LRPPRC: variants seen among roughly 807,000 people sequenced by gnomAD.
LRPPRC encodes leucine rich pentatricopeptide repeat containing.
A neutral mutation model predicts 180.3 loss-of-function variants in LRPPRC; 120 were observed. The ratio of observed to expected loss-of-function variants is 0.67; its 90% CI spans 0.57 to 0.77. LRPPRC has a LOEUF of 0.77. Ranked by LOEUF, LRPPRC falls within the 30% of genes least tolerant of loss-of-function variation. LRPPRC has a pLI of 0.00. For synonymous variants in LRPPRC, 723 were observed against 600.0 expected (o/e 1.21, Z -3.00); for missense variants, 2,012 against 1,657.2 (o/e 1.21, Z -3.72).
chr2:43,968,463 A>G (rs967798621), intron 11 of LRPPRC, among the ~76,000 whole-genome samples: 7 of 152,246 alleles, frequency 4.6e-5, no homozygotes, highest in African/African-American at 1.7e-4. Context: ...GCAAGATTGC[A>G]GACAACAGAA....
At position 43,918,009 on chromosome 2, in the gene LRPPRC, C is replaced by A. The variant is rs1296530633; in HGVS notation, c.3148+16G>T. The A allele has an allele frequency of 5.8e-6, 9 of 1,560,398 alleles. No individual in the cohort carries two copies. The highest frequency in any genetic ancestry group is 7.9e-6 in the Non-Finnish European group (9 of 1,132,092). ...ACCACCCCCCCACACACACCCCCAT[C>A]CCCGTATGTGCTTGCCTTTTTTTTG... On this transcript the variant is annotated intron_variant, in intron 29 of 37. Coordinates refer to ENST00000260665, the MANE Select transcript of LRPPRC (RefSeq NM_133259.4).
chr2:43,895,557 C>T (rs1670648067), intron 35 of LRPPRC, among the ~76,000 whole-genome samples: 2 of 152,152 alleles, frequency 1.3e-5, no homozygotes, highest in South Asian at 2.1e-4. Flanking sequence ...CGTATAAAAA[C>T]ACAGCCTCTC....
chr2:43,963,453 G>GA (rs951545035), intron 12 of LRPPRC, 135 bp downstream of exon 12: 4 of 705,308 alleles, frequency 5.7e-6, no homozygotes, highest in South Asian at 1.6e-5. Flanking sequence ...TCAAAAAAAA[G>GA]AAAAAAAGAA....
intron 6 of LRPPRC, among the ~76,000 whole-genome samples, 158 bp downstream of exon 6, chr2:43,975,984 AT>A (rs1032091412): frequency 3.7e-4 from 56 of 151,862 alleles, no homozygotes; most frequent in Non-Finnish European, 5.0e-4. Context: ...TATACTACAG[AT>A]TTTTTTTTGA....
At chr2:43,934,463 G>A (rs1373352900) in intron 24 of LRPPRC, among the ~76,000 whole-genome samples, 167 bp from the exon 25 acceptor site, 1 of 151,770 alleles carries the variant, frequency 6.6e-6, no homozygotes, top group Non-Finnish European at 1.5e-5. Flanking sequence ...TAACAGAGTA[G>A]CTACAAAGAG....
intron 14 of LRPPRC, among the ~76,000 whole-genome samples, chr2:43,956,705 C>T (rs1572543990): frequency 6.6e-6 from 1 of 152,090 alleles, no homozygotes; most frequent in African/African-American, 2.4e-5. Flanking sequence ...ACCTGGCCAA[C>T]ATGGTGAAAC....
chr2:43,971,038 T>G (rs1442691154), intron 11 of LRPPRC, among the ~76,000 whole-genome samples: 5 of 151,000 alleles, frequency 3.3e-5, no homozygotes, highest in African/African-American at 7.3e-5. Context: ...AGGCAGAGGT[T>G]GCAGGGAGCC....
chr2:43,976,307 G>A, intron 5 of LRPPRC, 78 bp from the exon 6 acceptor site: 1 of 804,268 alleles, frequency 1.2e-6, no homozygotes, highest in Non-Finnish European at 2.2e-6. Context: ...ATTAGGCCTT[G>A]AGTTACTTTT....
intron 27 of LRPPRC, 29 bp downstream of exon 27, chr2:43,925,038 A>T: frequency 8.1e-7 from 1 of 1,232,842 alleles, no homozygotes; most frequent in African/African-American, 1.5e-5. Context: ...AGAATAAATG[A>T]AAGCGTGAAG....
chr2:43,971,485 TAAAAA>T lies in LRPPRC; in HGVS notation c.1369+2117_1369+2121del, dbSNP rs528659622. 7.4e-4 allele frequency among the ~76,000 whole-genome samples: 46 copies of T among 62,384 alleles called. 2 individuals are homozygous for T. Among genetic ancestry groups the T allele is most frequent in the African/African-American group, 3.0e-3 (38 of 12,614 alleles). The allele number at this position is 62,384 out of a possible 152,430, so 40.9% of individuals were successfully genotyped here. Reference sequence around the variant, plus strand: ...AGGACCTCCTGAGGCTGTGTCACAGTAAAAAAAAAAAAAAAAAAAGAAAAAAATAT... The same window carrying T: ...AGGACCTCCTGAGGCTGTGTCACAGTAAAAAAAAAAAAAAGAAAAAAATAT... On this transcript the variant is annotated intron_variant, in intron 11 of 37. Coordinates refer to ENST00000260665, the MANE Select transcript of LRPPRC (RefSeq NM_133259.4).
rs780653330 is a variant in LRPPRC, at chr2:43,925,155, A to T, written c.2808T>A (p.Val936=). ...GCTCCACTAATTTTTCCAGAGTTTCAACCTTAAAAGTAAGATTAAGAGATA... is the reference window on the plus strand; with the variant it reads ...GCTCCACTAATTTTTCCAGAGTTTCTACCTTAAAAGTAAGATTAAGAGATA... The part of the protein sequence containing the change: ...FCDRCVANNQ[V]ETLEKLVELT... Residue 936 remains valine (V), a splice_region_variant and synonymous_variant, in exon 27 of 38, where the codon GTT becomes GTA. Transcript: ENST00000260665. 6.5e-7 allele frequency: 1 copy of T among 1,535,850 alleles called. No individual in the cohort carries two copies. Among genetic ancestry groups the T allele is most frequent in the South Asian group, 1.1e-5 (1 of 89,364 alleles).
chr2:43,945,294 A>C, intron 22 of LRPPRC, 38 bp downstream of exon 22: 1 of 1,304,724 alleles, frequency 7.7e-7, no homozygotes, highest in Non-Finnish European at 1.1e-6. Context: ...GTGGCAAGAT[A>C]CTTGCATCAC....
At chr2:43,951,918 G>A (rs1672920159) in intron 14 of LRPPRC, among the ~76,000 whole-genome samples, 1 of 152,168 alleles carries the variant, frequency 6.6e-6, no homozygotes, top group Non-Finnish European at 1.5e-5. Context: ...TTAAGGCTGG[G>A]TGTGGTGGCT....
In LRPPRC at chr2:43,912,380, C is replaced by T. The variant is rs2105012990; in HGVS notation, c.3275+52G>A. Reference sequence around the variant, plus strand: ...TACTATTATAATTATTGGCTAATGGCAGCCAATATTCTTTTTTAAACAAGA... The same window carrying T: ...TACTATTATAATTATTGGCTAATGGTAGCCAATATTCTTTTTTAAACAAGA... On this transcript the variant is annotated intron_variant, in intron 30 of 37. Coordinates refer to ENST00000260665, the MANE Select transcript of LRPPRC (RefSeq NM_133259.4). 6 of 1,521,988 alleles carry T rather than the reference C, an allele frequency of 3.9e-6. No individual in the cohort carries two copies. In the South Asian group the frequency reaches 5.6e-5, roughly 14 times the overall value. The allele number at this position is 1,521,988 out of a possible 1,614,324, so 94.3% of individuals were successfully genotyped here.
At position 43,898,654 on chromosome 2, in the gene LRPPRC, G is replaced by T. The variant is rs1242726987; in HGVS notation, c.3825+565C>A. 2.6e-5 allele frequency among the ~76,000 whole-genome samples: 4 copies of T among 152,162 alleles called. No individual in the cohort carries two copies. In the East Asian group the frequency reaches 5.8e-4, roughly 22 times the overall value. On this transcript the variant is annotated intron_variant, in intron 34 of 37. Transcript: ENST00000260665. ...GGTTGCTAATTTAACTGAGAGTGCGGGCCACAGAGACCTGCATTTGTCATT... is the reference window on the plus strand; with the variant it reads ...GGTTGCTAATTTAACTGAGAGTGCGTGCCACAGAGACCTGCATTTGTCATT...
At chr2:43,935,857 A>G (rs757103999) in intron 23 of LRPPRC, among the ~76,000 whole-genome samples, 2 of 152,262 alleles carry the variant, frequency 1.3e-5, no homozygotes, top group Non-Finnish European at 2.9e-5. Flanking sequence ...TCATGCCTGT[A>G]ATCCCAGCAC....
chr2:43,995,555 G>A lies in LRPPRC; in HGVS notation c.149+244C>T, dbSNP rs996095501. Among the ~76,000 whole-genome samples the A allele has an allele frequency of 4.6e-5, 7 of 152,362 alleles. No individual in the cohort carries two copies. The East Asian group carries it at 1.2e-3, about 25-fold the overall frequency. Reference sequence around the variant, plus strand: ...CCCCGAGGGCAGTAAGGTCCAGGCTGAAGTGGCGGGGGCAGGATTCAAGCC... The same window carrying A: ...CCCCGAGGGCAGTAAGGTCCAGGCTAAAGTGGCGGGGGCAGGATTCAAGCC... On this transcript the variant is annotated intron_variant, in intron 1 of 37. Coordinates refer to ENST00000260665, the MANE Select transcript of LRPPRC (RefSeq NM_133259.4).
intron 14 of LRPPRC, among the ~76,000 whole-genome samples, chr2:43,952,669 A>G (rs1672950925): frequency 6.6e-6 from 1 of 152,168 alleles, no homozygotes; most frequent in Non-Finnish European, 1.5e-5. Context: ...TTCTAAGTGC[A>G]TTATATTTTT....
intron 36 of LRPPRC, among the ~76,000 whole-genome samples, chr2:43,890,929 C>T (rs1670468761): frequency 6.6e-6 from 1 of 152,036 alleles, no homozygotes; most frequent in African/African-American, 2.4e-5. Context: ...AGATTGTTAG[C>T]ATCTAAGCAT....
Sources: allele counts gnomAD v4.1 joint callset (sites outside exome capture counted in the v4.1 genomes callset), GRCh38; gene constraint gnomAD v4.1.1; transcripts MANE v1.5; gene names NCBI Gene and HGNC (gene_info 2026-07-23, HGNC 2026-07-21).